Variants in EGFL6 observed in about 807,000 individuals in gnomAD.
The protein encoded by EGFL6 is epidermal growth factor-like protein 6.
A neutral mutation model predicts 43.1 loss-of-function variants in EGFL6; 42 were observed. The ratio of observed to expected loss-of-function variants is 0.98; its 90% CI spans 0.76 to 1.26. The LOEUF (loss-of-function observed/expected upper bound fraction) is 1.26, where lower values mean the gene tolerates loss of function less well. EGFL6 is among the 50% of genes most tolerant of loss of function. EGFL6 has a pLI of 0.00. For missense variants in EGFL6, 429 were observed against 427.8 expected, an observed-to-expected ratio of 1.00 and a Z score of -0.02; for synonymous variants, 164 against 163.2, an observed-to-expected ratio of 1.01 and a Z score of -0.04.
chrX:13,597,066 T>C (rs761094433), intron 3 of EGFL6, among the ~76,000 whole-genome samples: 1 of 112,157 alleles, frequency 8.9e-6, no homozygotes, highest in East Asian at 2.8e-4. Flanking sequence ...ACTCCCGGCA[T>C]CTAGTGAATG....
At chrX:13,613,754 T>C (rs1207552860) in intron 7 of EGFL6, among the ~76,000 whole-genome samples, 1 of 112,112 alleles carries the variant, frequency 8.9e-6, no homozygotes, top group Non-Finnish European at 1.9e-5. Context: ...GTAGGAGTAA[T>C]AGTGACAAAG....
chrX:13,578,067 A>G (rs752858621), intron 1 of EGFL6, among the ~76,000 whole-genome samples: 69 of 112,434 alleles, frequency 6.1e-4, no homozygotes, highest in Non-Finnish European at 1.1e-3. Context: ...GATTTAATGA[A>G]TTTAAGTACA....
chrX:13,581,419 G>C (rs1221671365), intron 1 of EGFL6, among the ~76,000 whole-genome samples: 1 of 111,104 alleles, frequency 9.0e-6, no homozygotes, highest in African/African-American at 3.3e-5. Flanking sequence ...CAGTGAACTT[G>C]CCATACTGGG....
At chrX:13,573,107 C>T (rs1291588694) in intron 1 of EGFL6, among the ~76,000 whole-genome samples, 7 of 112,031 alleles carry the variant, frequency 6.2e-5, no homozygotes, top group Non-Finnish European at 3.8e-5. Context: ...TCGGATAATT[C>T]AGGATAATCT....
chrX:13,618,500 G>A (rs1192660077), intron 8 of EGFL6, among the ~76,000 whole-genome samples: 3 of 112,667 alleles, frequency 2.7e-5, no homozygotes, highest in Admixed American at 1.9e-4. Flanking sequence ...CAGTTGTATG[G>A]TTGTGATTTT....
chrX:13,592,620 G>A (rs2045570573), intron 2 of EGFL6, among the ~76,000 whole-genome samples: 2 of 110,467 alleles, frequency 1.8e-5, no homozygotes, highest in East Asian at 5.7e-4. Context: ...TTGCACAGGA[G>A]AGGCCTGCCA....
At chrX:13,589,488 G>T (rs1410677908) in intron 1 of EGFL6, 68 bp from the exon 2 acceptor site, 7 of 901,935 alleles carry the variant, frequency 7.8e-6, no homozygotes, top group African/African-American at 4.0e-5. Flanking sequence ...GGTTCTTTTA[G>T]TAGTAGGGAA....
rs191555334 is a variant in EGFL6, at chrX:13,603,249, G to A, written c.401-68G>A. 16 of 1,093,736 alleles carry A rather than the reference G, an allele frequency of 1.5e-5. No individual in the cohort carries two copies. In the East Asian group the frequency reaches 3.6e-4, roughly 24 times the overall value. The allele number at this position is 1,093,736 out of a possible 1,213,427, so 90.1% of individuals were successfully genotyped here. On this transcript the variant is annotated intron_variant, in intron 4 of 11. Transcript: ENST00000361306. ...TCCATTCAATGGCTCAGAATTTGGT[G>A]ATAGTTTCTTAGTAAGCTCTTTTTA...
At chrX:13,612,669 G>A (rs1460811804) in intron 7 of EGFL6, among the ~76,000 whole-genome samples, 2 of 110,759 alleles carry the variant, frequency 1.8e-5, no homozygotes, top group Admixed American at 9.5e-5. Flanking sequence ...CTGGCCGGGA[G>A]GGGGCTGCCC....
At chrX:13,607,283 C>T (rs754192480) in intron 6 of EGFL6, among the ~76,000 whole-genome samples, 27 of 110,861 alleles carry the variant, frequency 2.4e-4, no homozygotes, top group Admixed American at 1.1e-3. Flanking sequence ...TTTCTCTGCC[C>T]GTAACACGTG....
chrX:13,632,327 A>T (rs1288082390), intron 11 of EGFL6, among the ~76,000 whole-genome samples: 1 of 85,851 alleles, frequency 1.2e-5, no homozygotes, highest in Non-Finnish European at 2.2e-5. Context: ...TTTGAGGCAG[A>T]GTCTCACTCT....
chrX:13,594,331 G>T (rs1248674490), intron 2 of EGFL6, among the ~76,000 whole-genome samples: 1 of 111,940 alleles, frequency 8.9e-6, no homozygotes, highest in Non-Finnish European at 1.9e-5. Flanking sequence ...CCTTTGTCAT[G>T]CTTTCTCATG....
At chrX:13,598,129 G>C (rs769090101) in intron 3 of EGFL6, among the ~76,000 whole-genome samples, 4 of 112,097 alleles carry the variant, frequency 3.6e-5, no homozygotes, top group Admixed American at 2.8e-4. Context: ...AGAAATGAGT[G>C]AGTCACCTCA....
At chrX:13,620,131 G>A (rs774758131) in intron 9 of EGFL6, among the ~76,000 whole-genome samples, 8 of 111,376 alleles carry the variant, frequency 7.2e-5, no homozygotes, top group East Asian at 5.6e-4. Flanking sequence ...CCATTTTTGC[G>A]ATCATTCCAC....
chrX:13,606,878 T>C (rs1305085860), intron 6 of EGFL6, among the ~76,000 whole-genome samples: 1 of 112,220 alleles, frequency 8.9e-6, no homozygotes, highest in Non-Finnish European at 1.9e-5. Context: ...TTATATTTGG[T>C]AAAAGGAAGA....
rs549578186 is a variant in EGFL6, at chrX:13,587,611, G to A, written c.75-1945G>A. ...ATAGGTTCTTTGGAAACTGTTAGGC[G>A]CAGACTGGGTCAAGATTGTGGTATC... On this transcript the variant is annotated intron_variant, in intron 1 of 11. Transcript: ENST00000361306. Among the ~76,000 whole-genome samples the A allele has an allele frequency of 4.5e-5, 5 of 112,031 alleles. No homozygotes were observed. The South Asian group carries it at 1.1e-3, about 25-fold the overall frequency.
At chrX:13,595,908 C>T (rs1490394256) in intron 3 of EGFL6, among the ~76,000 whole-genome samples, 5 of 109,942 alleles carry the variant, frequency 4.5e-5, no homozygotes, top group Non-Finnish European at 9.5e-5. Context: ...TTTGTATAGA[C>T]GAGGTCCCAC....
At chrX:13,626,087 T>G (rs975785678) in intron 10 of EGFL6, among the ~76,000 whole-genome samples, 1 of 110,940 alleles carries the variant, frequency 9.0e-6, no homozygotes, top group Non-Finnish European at 1.9e-5. Context: ...AGACAGGCAA[T>G]TAATACTTTT....
In EGFL6 at chrX:13,619,170, G is replaced by C. The variant is rs1346922361; in HGVS notation, c.1110G>C (p.Lys370Asn). The C allele has an allele frequency of 2.5e-6, 3 of 1,210,947 alleles. No individual in the cohort carries two copies. The South Asian group carries it at 5.3e-5, about 21-fold the overall frequency. ...CCAAGTGTTCTTTATTAGTCCCTAAGGTGAATGAAGCAGGTGAATTCGGCC... is the reference window on the plus strand; with the variant it reads ...CCAAGTGTTCTTTATTAGTCCCTAACGTGAATGAAGCAGGTGAATTCGGCC... ...RSLRGDVFFPKVNEAGEFGLI... is the reference protein window; with the variant it reads ...RSLRGDVFFPNVNEAGEFGLI... Residue 370 changes from lysine (K) to asparagine (N), a missense_variant, in exon 9 of 12, where the codon AAG (lysine) becomes AAC (asparagine). Transcript: ENST00000361306.
Sources: allele counts gnomAD v4.1 joint callset (sites outside exome capture counted in the v4.1 genomes callset), GRCh38; gene constraint gnomAD v4.1.1; transcripts MANE v1.5; gene names NCBI Gene and HGNC (gene_info 2026-07-23, HGNC 2026-07-21).